Variants in CTDP1 observed in about 807,000 individuals in gnomAD.
The protein encoded by CTDP1 is RNA polymerase II subunit A C-terminal domain phosphatase.
A neutral mutation model predicts 91.8 loss-of-function variants in CTDP1; 47 were observed. That is an observed-to-expected ratio of 0.51 (90% confidence interval 0.41 to 0.65). The LOEUF (loss-of-function observed/expected upper bound fraction) is 0.65. Among genes scored for constraint, CTDP1 ranks in the 30% least tolerant of loss-of-function variants. The pLI is 0.00. For synonymous variants in CTDP1, 656 were observed against 598.5 expected (o/e 1.10, Z -1.40); for missense variants, 1,272 against 1,373.7 (o/e 0.93, Z 1.17).
At chr18:79,700,888 T>G (rs1334714018) in intron 4 of CTDP1, among the ~76,000 whole-genome samples, 2 of 152,204 alleles carry the variant, frequency 1.3e-5, no homozygotes, top group Non-Finnish European at 2.9e-5. Context: ...AGTGCTCATT[T>G]GCCATTCTGA....
chr18:79,721,207 G>C (rs2086338852), intron 10 of CTDP1, among the ~76,000 whole-genome samples: 1 of 152,212 alleles, frequency 6.6e-6, no homozygotes, highest in Admixed American at 6.5e-5. Context: ...CTGGGAACAG[G>C]TCTCTTTCTG....
intron 1 of CTDP1, among the ~76,000 whole-genome samples, chr18:79,692,540 T>C (rs2085646601): frequency 6.6e-6 from 1 of 152,234 alleles, no homozygotes; most frequent in Admixed American, 6.5e-5. Flanking sequence ...AGATCCTTCT[T>C]CATGTTAACA....
rs1407960478 is a variant in CTDP1, at chr18:79,714,695, C to T, written c.1235C>T (p.Ala412Val). 6.2e-7 allele frequency: 1 copy of T among 1,609,306 alleles called. No homozygotes were observed. Among genetic ancestry groups the T allele is most frequent in the African/African-American group, 1.3e-5 (1 of 75,006 alleles). ...AGGGACATCTGGCCCCCTGCCCAGG[C>T]CCCCACCAGCAGCCAAGAGCTGGCA... ...DERDIWPPAQAPTSSQELAGA... is the reference protein window; with the variant it reads ...DERDIWPPAQVPTSSQELAGA... The change falls in exon 8 of 13, where the codon GCC (alanine) becomes GTC (valine). Residue 412 changes from alanine to valine, a missense_variant. Coordinates refer to ENST00000613122, the MANE Select transcript of CTDP1 (RefSeq NM_004715.5).
Position 79,713,820 on chromosome 18 carries a change from G to A in CTDP1, c.1031-671G>A, listed in dbSNP as rs1425633064. ...CCTCCAGACCGTGGCTTGGGAAACC[G>A]TGGCCATGGTGGTGCCAGGTCATCC... On this transcript the variant is annotated intron_variant, in intron 7 of 12. Coordinates refer to ENST00000613122, the MANE Select transcript of CTDP1 (RefSeq NM_004715.5). This position sits in a 1 kb window ranked among gnomAD's most constrained non-coding sequence, Gnocchi z 4.7. 5.9e-5 allele frequency among the ~76,000 whole-genome samples: 9 copies of A among 152,102 alleles called. No individual in the cohort carries two copies. Among genetic ancestry groups the A allele is most frequent in the African/African-American group, 1.7e-4 (7 of 41,428 alleles).
chr18:79,730,853 G>A (rs2122745085), intron 11 of CTDP1, among the ~76,000 whole-genome samples: 1 of 152,378 alleles, frequency 6.6e-6, no homozygotes, highest in South Asian at 2.1e-4. Flanking sequence ...TGAGGCTCAT[G>A]TTGGACTTCT....
intron 10 of CTDP1, among the ~76,000 whole-genome samples, chr18:79,727,261 C>A (rs2086468072): frequency 6.6e-6 from 1 of 152,216 alleles, no homozygotes. Flanking sequence ...CTTTGAACAA[C>A]ACTGCTTTGG....
intron 12 of CTDP1, 152 bp downstream of exon 12, chr18:79,736,673 A>AG: frequency 1.3e-6 from 1 of 776,874 alleles, no homozygotes; most frequent in Non-Finnish European, 2.0e-6. Context: ...GCCCCTGGTG[A>AG]TGGCCACTTG....
intron 1 of CTDP1, among the ~76,000 whole-genome samples, chr18:79,692,622 G>C (rs582029): frequency 3.3e-5 from 5 of 152,092 alleles, no homozygotes; most frequent in South Asian, 2.1e-4. Flanking sequence ...CCCCTTGCAG[G>C]GGGTAGAGCA....
chr18:79,719,407 G>A (rs1336099648), intron 10 of CTDP1, among the ~76,000 whole-genome samples: 3 of 152,078 alleles, frequency 2.0e-5, no homozygotes, highest in Admixed American at 1.3e-4. Context: ...CTAGGGGGTG[G>A]GGGGTTTGGG....
Position 79,753,776 on chromosome 18 carries a change from A to C in CTDP1, c.2872A>C (p.Asn958His), listed in dbSNP as rs144682012. The change falls in exon 13 of 13, where the codon AAC (asparagine) becomes CAC (histidine). Residue 958 changes from asparagine (N) to histidine (H), a missense_variant. Asn to His is a moderately conservative substitution (Grantham distance 68, BLOSUM62 1). Transcript: ENST00000613122. ...GGCCAAGGCGCTGGAGGCGGAGCTC[A>C]ACGACCTCATGTGAGCGCGGGCAGC... The part of the protein sequence containing the change: ...EMAKALEAEL[N>H]DLM 3.8e-5 allele frequency: 62 copies of C among 1,613,598 alleles called. No individual in the cohort carries two copies. The African/African-American group carries it at 7.6e-4, about 20-fold the overall frequency.
intron 12 of CTDP1, among the ~76,000 whole-genome samples, chr18:79,742,169 AAGCATGAAGCAT>A (rs1296267414): frequency 8.7e-5 from 5 of 57,246 alleles, no homozygotes; most frequent in Non-Finnish European, 1.5e-4. Context: ...GCAGCAGAGG[AAGCATGAAGCAT>A]GAGAGAGAGA....
intron 10 of CTDP1, among the ~76,000 whole-genome samples, chr18:79,720,272 A>G (rs1486921054): frequency 8.2e-6 from 1 of 121,412 alleles, no homozygotes; most frequent in Non-Finnish European, 1.7e-5. Context: ...CATCATTAGG[A>G]GGGCATCCTG....
At chr18:79,708,307 C>G (rs1353784775) in intron 5 of CTDP1, among the ~76,000 whole-genome samples, 2 of 152,224 alleles carry the variant, frequency 1.3e-5, no homozygotes, top group African/African-American at 4.8e-5. Context: ...ATGTTTTAAC[C>G]TGTATCAAAA....
chr18:79,720,080 GTGTCCTGGTGATGATGTCACCTCCCA>G (rs2086305727), intron 10 of CTDP1, among the ~76,000 whole-genome samples: 1 of 145,886 alleles, frequency 6.9e-6, no homozygotes, highest in African/African-American at 2.6e-5. Flanking sequence ...ACCTCCCATC[GTGTCCTGGTGATGATGTCACCTCCCA>G]TCATTAGGAA....
At position 79,715,352 on chromosome 18, in the gene CTDP1, G is replaced by A. The variant is rs2086183795; in HGVS notation, c.1892G>A (p.Ser631Asn). 1 of 1,609,018 alleles carries A rather than the reference G, an allele frequency of 6.2e-7. No individual in the cohort carries two copies. The highest frequency in any genetic ancestry group is 8.5e-7 in the Non-Finnish European group (1 of 1,177,764). Residue 631 changes from serine (S) to asparagine (N), a missense_variant, in exon 8 of 13, where the codon AGC (serine) becomes AAC (asparagine). This residue lies in a region of CTDP1 where 881 missense variants were observed against 911.6 expected (regional missense o/e 0.97). Coordinates refer to ENST00000613122, the MANE Select transcript of CTDP1 (RefSeq NM_004715.5). ...CGCAAGATCGTGCCGGAGCTCAAGA[G>A]CAAGGTGCTGGCAGACGTGGCCATA... ...DIRKIVPELK[S>N]KVLADVAIIF...
At chr18:79,716,517 C>T (rs2086211668) in intron 8 of CTDP1, among the ~76,000 whole-genome samples, 2 of 152,350 alleles carry the variant, frequency 1.3e-5, no homozygotes, top group Non-Finnish European at 2.9e-5. Flanking sequence ...GAAAGCCAAG[C>T]CCTGGCCTCC....
chr18:79,732,080 C>T (rs570015406), intron 11 of CTDP1, among the ~76,000 whole-genome samples: 1 of 151,670 alleles, frequency 6.6e-6, no homozygotes, highest in South Asian at 2.1e-4. Context: ...CAGGAGTGCT[C>T]CCAAATCACA....
At chr18:79,706,703 C>T (rs975933057) in intron 5 of CTDP1, among the ~76,000 whole-genome samples, 2 of 152,078 alleles carry the variant, frequency 1.3e-5, no homozygotes, top group Non-Finnish European at 2.9e-5. Context: ...AGATTTTTTT[C>T]CCTCCTCTGT....
Position 79,729,022 on chromosome 18 carries a change from C to T in CTDP1, c.2533C>T (p.Pro845Ser), listed in dbSNP as rs777650672. Residue 845 changes from proline (P) to serine (S), a missense_variant, in exon 11 of 13, where the codon CCG (proline) becomes TCG (serine). Pro to Ser is a moderately conservative substitution (Grantham distance 74). This residue lies in a region of CTDP1 where 881 missense variants were observed against 911.6 expected (regional missense o/e 0.97). Coordinates refer to ENST00000613122, the MANE Select transcript of CTDP1 (RefSeq NM_004715.5). ...ACAGCCCAGTATGTCTGAGACAATG[C>T]CGCTGTACACTCTTTGTAAGGAGGA... ...KRQPSMSETM[P>S]LYTLCKEDLE... 1.9e-6 allele frequency: 3 copies of T among 1,614,050 alleles called. No homozygotes were observed. The highest frequency in any genetic ancestry group is 2.5e-6 in the Non-Finnish European group (3 of 1,180,046).
Sources: gnomAD v4.1 joint callset for allele counts (sites outside exome capture counted in the v4.1 genomes callset) on GRCh38, gnomAD v4.1.1 for gene constraint, gnomAD v4.1.1 regional missense constraint, Gnocchi (gnomAD v3.1) non-coding constraint, MANE v1.5 for transcripts, NCBI Gene and HGNC (gene_info 2026-07-23, HGNC 2026-07-21) for gene names.